Variants in XIAP observed in about 807,000 individuals in gnomAD.
The protein encoded by XIAP is X-linked inhibitor of apoptosis, also known as E3 ubiquitin-protein ligase XIAP.
XIAP carries 3 observed loss-of-function variants against 33.1 expected under a neutral mutation model. The ratio of observed to expected loss-of-function variants is 0.09; its 90% CI spans 0.04 to 0.23. The LOEUF is 0.23. XIAP is among the 10% of genes least tolerant of loss of function. The pLI is 1.00. For synonymous variants in XIAP, 98 were observed against 121.3 expected (o/e 0.81, Z 1.26); for missense variants, 264 against 363.0 (o/e 0.73, Z 2.22).
At position 123,885,818 on chromosome X, in the gene XIAP, T is replaced by C. The variant is rs750942377; in HGVS notation, c.156T>C (p.Phe52=). 5 of 1,210,528 alleles carry C rather than the reference T, an allele frequency of 4.1e-6. No homozygotes were observed. The highest frequency in any genetic ancestry group is 5.6e-6 in the Non-Finnish European group (5 of 895,443). The part of the protein sequence containing the change: ...VSASTLARAG[F]LYTGEGDTVR... Reference sequence around the variant, plus strand: ...CATCAACACTGGCACGAGCAGGGTTTCTTTATACTGGTGAAGGAGATACCG... The same window carrying C: ...CATCAACACTGGCACGAGCAGGGTTCCTTTATACTGGTGAAGGAGATACCG... The change falls in exon 2 of 7, where the codon TTT becomes TTC. Residue 52 remains phenylalanine (F), a synonymous_variant. Coordinates refer to ENST00000371199, the MANE Select transcript of XIAP (RefSeq NM_001167.4).
rs755775175 is a variant in XIAP at position 123,893,521 on chromosome X, C to T, written c.1099+748C>T. ...CAAGCCTGGCGACAGAGCGAGATTC[C>T]GTCTCAAAAAACAAAAATGAAAAAA... On this transcript the variant is annotated intron_variant, in intron 5 of 6. Transcript: ENST00000371199. Among the ~76,000 whole-genome samples the T allele has an allele frequency of 1.5e-3, 163 of 110,211 alleles. 1 individual carries two copies. The highest frequency in any genetic ancestry group is 5.2e-3 in the African/African-American group (158 of 30,303).
Position 123,900,499 on chromosome X carries a change from C to G in XIAP, c.1106C>G (p.Thr369Ser). 1 of 1,206,820 alleles carries G rather than the reference C, an allele frequency of 8.3e-7. No individual in the cohort carries two copies. The highest frequency in any genetic ancestry group is 1.7e-5 in the African/African-American group (1 of 57,610). ...TPSLTRRIDD[T>S]IFQNPMVQEA... Reference sequence around the variant, plus strand: ...TCACCAATTTTTATTTCAGATGATACCATCTTCCAAAATCCTATGGTACAA... The same window carrying G: ...TCACCAATTTTTATTTCAGATGATAGCATCTTCCAAAATCCTATGGTACAA... The change falls in exon 6 of 7, where the codon ACC becomes AGC. Residue 369 changes from threonine to serine, a missense_variant. Transcript: ENST00000371199.
intron 1 of XIAP, among the ~76,000 whole-genome samples, chrX:123,868,092 T>G (rs1434376681): frequency 1.8e-5 from 2 of 111,389 alleles, no homozygotes. Context: ...GCCCAGCACT[T>G]TGGGAGGCTG....
At chrX:123,875,717 G>A (rs1268875389) in intron 1 of XIAP, among the ~76,000 whole-genome samples, 3 of 106,368 alleles carry the variant, frequency 2.8e-5, no homozygotes, top group Non-Finnish European at 5.8e-5. Context: ...ACGGAGTCTC[G>A]CTGTGTCGCC....
rs200273554 is a variant in XIAP, at chrX:123,900,493, A to G, written c.1100A>G (p.Asp367Gly). 50 of 1,203,266 alleles carry G rather than the reference A, an allele frequency of 4.2e-5. No individual in the cohort carries two copies. In the East Asian group the frequency reaches 1.0e-3, roughly 25 times the overall value. The part of the protein sequence containing the change: ...EKTPSLTRRI[D>G]DTIFQNPMVQ... ...TTTTCCTCACCAATTTTTATTTCAG[A>G]TGATACCATCTTCCAAAATCCTATG... is the stretch of plus-strand genomic sequence containing the variant. Residue 367 changes from aspartate to glycine, a missense_variant and splice_region_variant, in exon 6 of 7, where the codon GAT becomes GGT. Asp to Gly is a moderately conservative substitution (Grantham distance 94). Transcript: ENST00000371199.
At chrX:123,900,402 T>C in intron 5 of XIAP, 91 bp from the exon 6 acceptor site, 1 of 823,942 alleles carries the variant, frequency 1.2e-6, no homozygotes, top group East Asian at 3.4e-5. Context: ...CCTTAATTTT[T>C]TCATTTTAAC....
chrX:123,911,917 G>T lies in XIAP; in HGVS notation c.*4736G>T. 1 of 328,827 alleles carries T rather than the reference G, an allele frequency of 3.0e-6. No individual in the cohort carries two copies. The highest frequency in any genetic ancestry group is 5.9e-6 in the Non-Finnish European group (1 of 169,913). 27.1% of individuals were successfully genotyped at this position (328,827 alleles called of 1,213,427 possible). Reference sequence around the variant, plus strand: ...AGTATCCAGTTCTTTCATTTTACAGGTGAGGCAACTGAGACTCAAAGGTGA... The same window carrying T: ...AGTATCCAGTTCTTTCATTTTACAGTTGAGGCAACTGAGACTCAAAGGTGA... On this transcript the variant is annotated 3_prime_UTR_variant, in exon 7 of 7. Coordinates refer to ENST00000371199, the MANE Select transcript of XIAP (RefSeq NM_001167.4).
rs1166760988 is a variant in XIAP, at chrX:123,911,929, A to G, written c.*4748A>G. The G allele has an allele frequency of 3.0e-6, 1 of 329,165 alleles. No individual in the cohort carries two copies. Among genetic ancestry groups the G allele is most frequent in the Admixed American group, 3.1e-5 (1 of 32,165 alleles). 27.1% of individuals were successfully genotyped at this position (329,165 alleles called of 1,213,427 possible). ...TTTCATTTTACAGGTGAGGCAACTG[A>G]GACTCAAAGGTGATGTAATTTGTGC... On this transcript the variant is annotated 3_prime_UTR_variant, in exon 7 of 7. Coordinates refer to ENST00000371199, the MANE Select transcript of XIAP (RefSeq NM_001167.4).
At chrX:123,904,616 A>ATTTTGTTTTG (rs112899247) in intron 6 of XIAP, among the ~76,000 whole-genome samples, 1 of 109,169 alleles carries the variant, frequency 9.2e-6, no homozygotes, top group Admixed American at 9.9e-5. Flanking sequence ...GTTTTGTTTT[A>ATTTTGTTTTG]TTTTGTTTTG....
chrX:123,904,652 C>T (rs930199450), intron 6 of XIAP, among the ~76,000 whole-genome samples: 3 of 112,073 alleles, frequency 2.7e-5, no homozygotes, highest in East Asian at 2.8e-4. Context: ...GACAGGGTCT[C>T]GCTCTGTCGC....
chrX:123,902,329 A>G (rs7054686), intron 6 of XIAP, among the ~76,000 whole-genome samples: 21,429 of 110,374 alleles, frequency 0.19, 1,487 homozygotes, highest in South Asian at 0.39. Context: ...AATTCATTTG[A>G]ACTCTCCTCA....
At chrX:123,900,385 G>A (rs763286559) in intron 5 of XIAP, 108 bp from the exon 6 acceptor site, 19 of 709,406 alleles carry the variant, frequency 2.7e-5, no homozygotes, top group African/African-American at 8.8e-5. Flanking sequence ...TTATTCTTTC[G>A]CTTGCTCCTT....
At chrX:123,893,363 CA>C (rs1360224241) in intron 5 of XIAP, among the ~76,000 whole-genome samples, 3 of 102,388 alleles carry the variant, frequency 2.9e-5, no homozygotes, top group Admixed American at 1.1e-4. Context: ...ACTAAAAATA[CA>C]AAAAAAAAAT....
chrX:123,891,223 CTT>C lies in XIAP; in HGVS notation c.978-12_978-11del. ...AATTTATCAGCTACTAAAGTTTAAT[CTT>C]TTAATTGTTTAGGTGCAAATATCTG... On this transcript the variant is annotated splice_polypyrimidine_tract_variant and intron_variant, in intron 3 of 6. Coordinates refer to ENST00000371199, the MANE Select transcript of XIAP (RefSeq NM_001167.4). 1.1e-6 allele frequency: 1 copy of C among 933,378 alleles called. No homozygotes were observed. The highest frequency in any genetic ancestry group is 1.5e-6 in the Non-Finnish European group (1 of 655,645). 76.9% of individuals were successfully genotyped at this position (933,378 alleles called of 1,213,427 possible). A position where few individuals can be genotyped will look rare whatever the true frequency, so the allele number is the denominator to read the frequency against.
chrX:123,902,697 CT>C (rs1345410802), intron 6 of XIAP, among the ~76,000 whole-genome samples: 1 of 110,756 alleles, frequency 9.0e-6, no homozygotes, highest in East Asian at 2.8e-4. Flanking sequence ...AGTATATGTA[CT>C]AAAGTACTTA....
At chrX:123,873,609 G>A (rs1472341349) in intron 1 of XIAP, among the ~76,000 whole-genome samples, 1 of 109,435 alleles carries the variant, frequency 9.1e-6, no homozygotes, top group African/African-American at 3.3e-5. Flanking sequence ...CCAACATGAT[G>A]AAACGCTGTC....
At chrX:123,895,310 C>T (rs2053450127) in intron 5 of XIAP, among the ~76,000 whole-genome samples, 1 of 112,138 alleles carries the variant, frequency 8.9e-6, no homozygotes, top group Non-Finnish European at 1.9e-5. Flanking sequence ...AAAAAGAGTC[C>T]ATTGTATAAA....
chrX:123,897,166 G>A (rs1427275119), intron 5 of XIAP, among the ~76,000 whole-genome samples: 3 of 110,314 alleles, frequency 2.7e-5, no homozygotes, highest in Non-Finnish European at 5.7e-5. Context: ...GACCTCAGGT[G>A]ATCCGCCTGC....
At chrX:123,903,435 G>A (rs1296061755) in intron 6 of XIAP, among the ~76,000 whole-genome samples, 3 of 108,442 alleles carry the variant, frequency 2.8e-5, no homozygotes, top group African/African-American at 1.0e-4. Context: ...TGATCTGCCC[G>A]CCTCGGCCTC....
Sources: allele counts gnomAD v4.1 joint callset (sites outside exome capture counted in the v4.1 genomes callset), GRCh38; gene constraint gnomAD v4.1.1; transcripts MANE v1.5; gene names NCBI Gene and HGNC (gene_info 2026-07-23, HGNC 2026-07-21).